PPP2R2C: variants seen among roughly 807,000 people sequenced by gnomAD.
PPP2R2C encodes protein phosphatase 2 regulatory subunit Bgamma.
A neutral mutation model predicts 45.3 loss-of-function variants in PPP2R2C; 10 were observed. The observed-to-expected ratio is 0.22, with a 90% confidence interval of 0.14 to 0.37. PPP2R2C has a LOEUF of 0.37. Among genes scored for constraint, PPP2R2C ranks in the 10% least tolerant of loss-of-function variants. PPP2R2C has a pLI of 1.00. For missense variants in PPP2R2C, 308 were observed against 619.7 expected (o/e 0.50, Z 5.34); for synonymous variants, 257 against 245.4 (o/e 1.05, Z -0.44).
intron 1 of PPP2R2C, among the ~76,000 whole-genome samples, chr4:6,469,918 C>T (rs754298018): frequency 3.1e-4 from 47 of 152,236 alleles, no homozygotes; most frequent in Admixed American, 5.9e-4. Context: ...CCTGCACACA[C>T]TGGCACTCGG....
At chr4:6,383,374 C>T (rs767864604) in intron 1 of PPP2R2C, 37 of 1,289,798 alleles carry the variant, frequency 2.9e-5, no homozygotes, top group Non-Finnish European at 3.6e-5. Flanking sequence ...CACGGGGTCT[C>T]GTGTTTTTAA....
At chr4:6,561,797 G>A (rs564659748) in intron 1 of PPP2R2C, among the ~76,000 whole-genome samples, 7 of 152,296 alleles carry the variant, frequency 4.6e-5, no homozygotes, top group South Asian at 4.1e-4. Context: ...ATTGCCAGCC[G>A]CAAGCAGGCT....
At chr4:6,427,408 G>C (rs1295007612) in intron 1 of PPP2R2C, among the ~76,000 whole-genome samples, 1 of 152,180 alleles carries the variant, frequency 6.6e-6, no homozygotes, top group Non-Finnish European at 1.5e-5. Flanking sequence ...CTCCCACGTG[G>C]GGGCCCTTCC....
chr4:6,472,397 G>C lies in PPP2R2C; in HGVS notation c.-168C>G. 2 of 919,596 alleles carry C rather than the reference G, an allele frequency of 2.2e-6. No homozygotes were observed. The highest frequency in any genetic ancestry group is 2.6e-6 in the Non-Finnish European group (2 of 770,290). 57.0% of individuals were successfully genotyped at this position (919,596 alleles called of 1,614,324 possible). A position where few individuals can be genotyped will look rare whatever the true frequency, so the allele number is the denominator to read the frequency against. ...GCAGGGGGACGGGCGGGGGCGGCCGGGGGCGGGCGCCGCGGTCAAGCGAGC... is the reference window on the plus strand; with the variant it reads ...GCAGGGGGACGGGCGGGGGCGGCCGCGGGCGGGCGCCGCGGTCAAGCGAGC... On this transcript the variant is annotated 5_prime_UTR_variant, in exon 1 of 9. Coordinates refer to ENST00000382599, the MANE Select transcript of PPP2R2C (RefSeq NM_020416.4).
chr4:6,495,792 T>C (rs1358976324), intron 2 of PPP2R2C, among the ~76,000 whole-genome samples: 1 of 152,218 alleles, frequency 6.6e-6, no homozygotes. Flanking sequence ...GGATAACTTT[T>C]GCGTGGTGTA....
At chr4:6,556,698 T>A (rs898656248) in intron 1 of PPP2R2C, among the ~76,000 whole-genome samples, 1 of 152,064 alleles carries the variant, frequency 6.6e-6, no homozygotes, top group African/African-American at 2.4e-5. Context: ...TGCCAACCCA[T>A]GCATTAGTGT....
At chr4:6,381,697 C>CCTGA in intron 1 of PPP2R2C, 1 of 1,546,032 alleles carries the variant, frequency 6.5e-7, no homozygotes, top group Non-Finnish European at 8.7e-7. Context: ...CCCTGCCTGC[C>CCTGA]CTGACCCTCC....
chr4:6,558,005 C>T (rs770704202), intron 1 of PPP2R2C, among the ~76,000 whole-genome samples: 21 of 152,132 alleles, frequency 1.4e-4, no homozygotes, highest in Non-Finnish European at 2.9e-4. Flanking sequence ...AGGAAGGAGG[C>T]GGCCAGGTGC....
intron 1 of PPP2R2C, among the ~76,000 whole-genome samples, chr4:6,399,890 G>A (rs1717301866): frequency 6.6e-6 from 1 of 152,234 alleles, no homozygotes; most frequent in South Asian, 2.1e-4. Flanking sequence ...AACCACTGGG[G>A]GCAGTTGAGC....
intron 2 of PPP2R2C, among the ~76,000 whole-genome samples, chr4:6,513,163 A>G (rs1652650290): frequency 6.6e-6 from 1 of 152,208 alleles, no homozygotes; most frequent in African/African-American, 2.4e-5. Context: ...TCACTCATCC[A>G]TTCATTCACA....
chr4:6,373,791 C>G (rs1715059882), intron 4 of PPP2R2C, among the ~76,000 whole-genome samples: 1 of 152,206 alleles, frequency 6.6e-6, no homozygotes, highest in African/African-American at 2.4e-5. Context: ...CCAGGGCACC[C>G]AGCCTGTGTG....
At chr4:6,468,532 C>T (rs1014855308) in intron 1 of PPP2R2C, among the ~76,000 whole-genome samples, 11 of 152,122 alleles carry the variant, frequency 7.2e-5, no homozygotes, top group Non-Finnish European at 1.2e-4. Flanking sequence ...CTGGCCTCAG[C>T]TGAAAAGTGT....
intron 1 of PPP2R2C, chr4:6,382,194 T>C: frequency 8.4e-7 from 1 of 1,191,802 alleles, no homozygotes; most frequent in Non-Finnish European, 1.1e-6. Context: ...AGTTCTAGAA[T>C]ACCATCCCCA....
intron 1 of PPP2R2C, among the ~76,000 whole-genome samples, chr4:6,407,458 C>A (rs982758019): frequency 6.6e-6 from 1 of 152,206 alleles, no homozygotes; most frequent in Non-Finnish European, 1.5e-5. Flanking sequence ...TGCGGTGGCA[C>A]GATCTCAGCT....
At chr4:6,379,295 G>A (rs1049259316) in intron 2 of PPP2R2C, among the ~76,000 whole-genome samples, 1 of 152,174 alleles carries the variant, frequency 6.6e-6, no homozygotes, top group African/African-American at 2.4e-5. Flanking sequence ...AGTCCACTGT[G>A]TGCGCCAGGG....
intron 2 of PPP2R2C, among the ~76,000 whole-genome samples, chr4:6,512,251 GTGA>G (rs1723624330): frequency 2.6e-5 from 2 of 75,996 alleles, no homozygotes; most frequent in Non-Finnish European, 5.4e-5. Flanking sequence ...GGTGGTGGTG[GTGA>G]TGGTGGTGGT....
intron 1 of PPP2R2C, among the ~76,000 whole-genome samples, chr4:6,409,099 T>C (rs1458208625): frequency 6.6e-6 from 1 of 152,044 alleles, no homozygotes; most frequent in African/African-American, 2.4e-5. Context: ...CAGTGTGTGT[T>C]CCCTGTGGCA....
At chr4:6,442,251 C>A (rs1720193455) in intron 1 of PPP2R2C, among the ~76,000 whole-genome samples, 8 of 152,232 alleles carry the variant, frequency 5.3e-5, no homozygotes, top group Admixed American at 5.2e-4. Context: ...TATCTGCACC[C>A]CCAGCAGCAG....
intron 2 of PPP2R2C, among the ~76,000 whole-genome samples, chr4:6,496,234 G>A (rs776508431): frequency 1.3e-5 from 2 of 152,200 alleles, no homozygotes; most frequent in Admixed American, 6.5e-5. Flanking sequence ...TATTTTGCGG[G>A]GGGGCAAAGT....
Sources: gnomAD v4.1 joint callset for allele counts (sites outside exome capture counted in the v4.1 genomes callset) on GRCh38, gnomAD v4.1.1 for gene constraint, MANE v1.5 for transcripts, NCBI Gene and HGNC (gene_info 2026-07-23, HGNC 2026-07-21) for gene names.